The following GLIS3 variants were observed in gnomAD, a reference collection of about 807,000 sequenced individuals.
The protein encoded by GLIS3 is zinc finger protein GLIS3.
A neutral mutation model predicts 78.6 loss-of-function variants in GLIS3; 53 were observed. The ratio of observed to expected loss-of-function variants is 0.67; its 90% CI spans 0.54 to 0.85. GLIS3 has a LOEUF of 0.85. Among genes scored for constraint, GLIS3 ranks in the 40% least tolerant of loss-of-function variants. The pLI is 0.00. For missense variants in GLIS3, 1,703 were observed against 1,231.1 expected, an observed-to-expected ratio of 1.38 and a Z score of -5.74; for synonymous variants, 684 against 509.9, an observed-to-expected ratio of 1.34 and a Z score of -4.60.
intron 8 of GLIS3, among the ~76,000 whole-genome samples, chr9:3,861,579 T>C (rs1233749823): frequency 1.3e-5 from 2 of 152,070 alleles, no homozygotes; most frequent in Non-Finnish European, 2.9e-5. Flanking sequence ...ATGTGGTACA[T>C]ATACACCATG....
At chr9:3,929,549 A>G (rs1181892447) in intron 6 of GLIS3, among the ~76,000 whole-genome samples, 1 of 152,012 alleles carries the variant, frequency 6.6e-6, no homozygotes, top group East Asian at 1.9e-4. Flanking sequence ...CCACAGTAGG[A>G]CTCATAAAAC....
intron 2 of GLIS3, among the ~76,000 whole-genome samples, chr9:4,194,899 G>C (rs1268245366): frequency 2.0e-5 from 3 of 152,246 alleles, no homozygotes; most frequent in East Asian, 1.9e-4. Context: ...CCAGGACCAA[G>C]AGCAGGAGGC....
At chr9:4,063,039 C>T (rs929809420) in intron 4 of GLIS3, among the ~76,000 whole-genome samples, 2 of 151,998 alleles carry the variant, frequency 1.3e-5, no homozygotes, top group South Asian at 2.1e-4. Flanking sequence ...TCTCTTGACT[C>T]TTTATCTCAC....
At chr9:3,972,873 C>T (rs1373925652) in intron 4 of GLIS3, among the ~76,000 whole-genome samples, 1 of 152,146 alleles carries the variant, frequency 6.6e-6, no homozygotes, top group Non-Finnish European at 1.5e-5. Context: ...TCCCAAAACA[C>T]GTTAGAATGA....
rs1346536437 is a variant in GLIS3, at chr9:4,094,845, T to C, written c.1710+22923A>G. ...CTAGGACAAAATTTTAAAATCACAA[T>C]GCAAAGATATTTGCTATATATCAAA... is the stretch of plus-strand genomic sequence containing the variant. On this transcript the variant is annotated intron_variant, in intron 4 of 10. Transcript: ENST00000381971. 2.0e-5 allele frequency among the ~76,000 whole-genome samples: 3 copies of C among 152,186 alleles called. No individual in the cohort carries two copies. The East Asian group carries it at 5.8e-4, about 29-fold the overall frequency.
At chr9:4,119,231 C>G (rs1832000256) in intron 3 of GLIS3, among the ~76,000 whole-genome samples, 1 of 152,204 alleles carries the variant, frequency 6.6e-6, no homozygotes, top group Non-Finnish European at 1.5e-5. Flanking sequence ...GGAAAAATTA[C>G]TGATACCTGT....
chr9:4,024,907 C>T (rs570725193), intron 4 of GLIS3, among the ~76,000 whole-genome samples: 268 of 152,238 alleles, frequency 1.8e-3, no homozygotes, highest in African/African-American at 5.9e-3. Flanking sequence ...TCATGCCTGT[C>T]GTGTTCATCA....
intron 8 of GLIS3, among the ~76,000 whole-genome samples, chr9:3,877,588 C>T (rs1821401833): frequency 6.6e-6 from 1 of 152,186 alleles, no homozygotes; most frequent in African/African-American, 2.4e-5. Flanking sequence ...CACTACCACA[C>T]TCTTTTTGTA....
At chr9:3,997,752 G>T (rs1820850119) in intron 4 of GLIS3, among the ~76,000 whole-genome samples, 1 of 152,040 alleles carries the variant, frequency 6.6e-6, no homozygotes, top group South Asian at 2.1e-4. Flanking sequence ...AAACTTAGTG[G>T]GGAAATATTT....
chr9:4,127,053 C>T (rs1309490128), intron 2 of GLIS3, among the ~76,000 whole-genome samples: 3 of 152,130 alleles, frequency 2.0e-5, no homozygotes, highest in African/African-American at 7.2e-5. Context: ...TAACATTCTT[C>T]CCAAGAGCCC....
the GLIS3 span, among the ~76,000 whole-genome samples, chr9:4,446,295 C>A: frequency 6.6e-6 from 1 of 152,118 alleles, no homozygotes; most frequent in African/African-American, 2.4e-5. Flanking sequence ...CCCTTGACTG[C>A]TTCCATTATG....
intron 7 of GLIS3, among the ~76,000 whole-genome samples, chr9:3,883,410 T>C (rs1041056788): frequency 5.3e-5 from 8 of 152,248 alleles, no homozygotes; most frequent in Non-Finnish European, 1.2e-4. Context: ...CCACAACATA[T>C]GGTTCCAGAC....
the GLIS3 span, among the ~76,000 whole-genome samples, chr9:4,361,602 T>G: frequency 1.3e-5 from 2 of 152,218 alleles, no homozygotes; most frequent in African/African-American, 4.8e-5. Context: ...AGATAAATCC[T>G]GGAACAGAAT....
chr9:4,457,576 G>A, the GLIS3 span, among the ~76,000 whole-genome samples: 5 of 151,960 alleles, frequency 3.3e-5, no homozygotes, highest in East Asian at 9.7e-4. Flanking sequence ...GGCCAGGCGT[G>A]GTGGCTCACA....
intron 4 of GLIS3, among the ~76,000 whole-genome samples, chr9:3,975,967 G>T (rs368432354): frequency 4.6e-5 from 7 of 152,054 alleles, no homozygotes; most frequent in African/African-American, 9.7e-5. Flanking sequence ...TAAATCTGTC[G>T]CTGTCTCATC....
chr9:4,058,389 C>G (rs911976915), intron 4 of GLIS3, among the ~76,000 whole-genome samples: 1 of 151,892 alleles, frequency 6.6e-6, no homozygotes, highest in Non-Finnish European at 1.5e-5. Flanking sequence ...CAGTGTTTTT[C>G]TTTGCCTACT....
intron 4 of GLIS3, among the ~76,000 whole-genome samples, chr9:3,973,138 A>G (rs1818512032): frequency 6.6e-6 from 1 of 152,196 alleles, no homozygotes. Flanking sequence ...GAAGAGATGC[A>G]TAGGGCAAGT....
chr9:4,198,416 G>T (rs1047804876), intron 2 of GLIS3, among the ~76,000 whole-genome samples: 1 of 151,612 alleles, frequency 6.6e-6, no homozygotes, highest in Non-Finnish European at 1.5e-5. Context: ...AAATACAATT[G>T]AAAATTTCAT....
chr9:4,449,146 A>C, the GLIS3 span, among the ~76,000 whole-genome samples: 1 of 152,196 alleles, frequency 6.6e-6, no homozygotes, highest in Non-Finnish European at 1.5e-5. Context: ...GGTCTTAGCA[A>C]ACGGCACACC....
Sources: allele counts gnomAD v4.1 joint callset (sites outside exome capture counted in the v4.1 genomes callset), GRCh38; gene constraint gnomAD v4.1.1; transcripts MANE v1.5; gene names NCBI Gene and HGNC (gene_info 2026-07-23, HGNC 2026-07-21).